PRKN: variants seen among roughly 807,000 people sequenced by gnomAD.
PRKN encodes the protein E3 ubiquitin-protein ligase parkin.
Under a neutral mutation model 59.5 loss-of-function variants are expected in PRKN, and 56 were observed. The ratio of observed to expected loss-of-function variants is 0.94; its 90% CI spans 0.76 to 1.18. The LOEUF (loss-of-function observed/expected upper bound fraction) is 1.18. PRKN is among the 50% of genes most tolerant of loss of function. PRKN has a pLI of 0.00. For missense variants in PRKN, 657 were observed against 596.4 expected (o/e 1.10, Z -1.06); for synonymous variants, 250 against 222.1 (o/e 1.13, Z -1.12).
intron 9 of PRKN, among the ~76,000 whole-genome samples, chr6:161,540,671 GCTTCATAA>G (rs1779585325): frequency 6.6e-6 from 1 of 152,170 alleles, no homozygotes; most frequent in Non-Finnish European, 1.5e-5. Flanking sequence ...ATCCCAAGTT[GCTTCATAA>G]AACACCTGTC....
intron 2 of PRKN, among the ~76,000 whole-genome samples, chr6:162,264,254 G>C (rs1780023756): frequency 6.6e-6 from 1 of 152,080 alleles, no homozygotes; most frequent in Non-Finnish European, 1.5e-5. Context: ...TCCAGCCTGG[G>C]CAACAGAGAG....
At chr6:161,619,037 C>T (rs1438331037) in intron 7 of PRKN, among the ~76,000 whole-genome samples, 2 of 152,096 alleles carry the variant, frequency 1.3e-5, no homozygotes, top group Admixed American at 1.3e-4. Context: ...ATGCTCTTCA[C>T]TTGGAAGAGA....
chr6:162,456,497 C>CT (rs1562778638), intron 1 of PRKN, among the ~76,000 whole-genome samples: 1 of 150,998 alleles, frequency 6.6e-6, no homozygotes, highest in Non-Finnish European at 1.5e-5. Flanking sequence ...ATATCATAAA[C>CT]TTTAATTCTT....
chr6:162,075,063 C>A (rs1165114264), intron 4 of PRKN, among the ~76,000 whole-genome samples: 1 of 152,146 alleles, frequency 6.6e-6, no homozygotes, highest in East Asian at 1.9e-4. Flanking sequence ...TTCGTCTGTT[C>A]AAGCTTCCTT....
chr6:162,380,473 GTATA>G (rs3050243), intron 2 of PRKN, among the ~76,000 whole-genome samples: 1 of 38,900 alleles, frequency 2.6e-5, no homozygotes, highest in Non-Finnish European at 6.9e-5. Flanking sequence ...ATATATGTGT[GTATA>G]TATATGTATA....
At chr6:161,617,705 A>G (rs908140628) in intron 7 of PRKN, among the ~76,000 whole-genome samples, 30 of 152,222 alleles carry the variant, frequency 2.0e-4, no homozygotes, top group Non-Finnish European at 4.3e-4. Flanking sequence ...CATATCCAAC[A>G]TAAGTGGAGG....
chr6:161,504,650 A>G (rs1250570013), intron 9 of PRKN, among the ~76,000 whole-genome samples: 3 of 149,110 alleles, frequency 2.0e-5, no homozygotes, highest in Non-Finnish European at 4.5e-5. Flanking sequence ...CATTAGGTAT[A>G]TCTCCCAATG....
At chr6:161,648,090 C>T (rs1323409564) in intron 7 of PRKN, among the ~76,000 whole-genome samples, 4 of 152,156 alleles carry the variant, frequency 2.6e-5, no homozygotes, top group Non-Finnish European at 5.9e-5. Context: ...CTCTTCCAGC[C>T]AGGGATTATT....
chr6:162,527,913 T>C (rs2128195441), intron 1 of PRKN, among the ~76,000 whole-genome samples: 1 of 152,194 alleles, frequency 6.6e-6, no homozygotes, highest in South Asian at 2.1e-4. Flanking sequence ...TTCTGCTGGA[T>C]CCAGCCTGGG....
chr6:162,041,480 C>T (rs1784066641), intron 5 of PRKN, among the ~76,000 whole-genome samples: 1 of 152,174 alleles, frequency 6.6e-6, no homozygotes. Flanking sequence ...CCAAATGCCT[C>T]CAGGCCCCAC....
At chr6:161,892,622 G>C (rs1291326899) in intron 6 of PRKN, among the ~76,000 whole-genome samples, 2 of 152,084 alleles carry the variant, frequency 1.3e-5, no homozygotes, top group East Asian at 3.9e-4. Context: ...TGAGGTGGGA[G>C]GATCTACTCA....
intron 7 of PRKN, among the ~76,000 whole-genome samples, chr6:161,609,225 T>C (rs967905697): frequency 6.6e-6 from 1 of 152,244 alleles, no homozygotes; most frequent in African/African-American, 2.4e-5. Context: ...TTAATCTATT[T>C]TACTTTTAAT....
intron 4 of PRKN, among the ~76,000 whole-genome samples, chr6:162,128,953 C>G (rs1335360202): frequency 1.3e-5 from 2 of 152,178 alleles, no homozygotes; most frequent in Non-Finnish European, 2.9e-5. Flanking sequence ...CAATTTGTGA[C>G]ATTCTTTTAT....
intron 1 of PRKN, among the ~76,000 whole-genome samples, chr6:162,675,477 A>G (rs982897644): frequency 6.6e-6 from 1 of 152,192 alleles, no homozygotes; most frequent in African/African-American, 2.4e-5. Flanking sequence ...AATAGATGAC[A>G]GGCAAATTTA....
intron 1 of PRKN, among the ~76,000 whole-genome samples, chr6:162,493,660 T>A (rs531108108): frequency 1.3e-5 from 2 of 152,212 alleles, no homozygotes; most frequent in Non-Finnish European, 2.9e-5. Flanking sequence ...TGAATTTGCA[T>A]ATTTAAGCTG....
At chr6:161,896,445 C>T (rs1315923024) in intron 6 of PRKN, among the ~76,000 whole-genome samples, 2 of 152,286 alleles carry the variant, frequency 1.3e-5, no homozygotes, top group Non-Finnish European at 1.5e-5. Context: ...ATCCATTCTT[C>T]CAGCCACACC....
At chr6:162,029,353 A>T (rs1783554568) in intron 5 of PRKN, among the ~76,000 whole-genome samples, 1 of 152,188 alleles carries the variant, frequency 6.6e-6, no homozygotes, top group Admixed American at 6.5e-5. Context: ...AATATTTACC[A>T]TGAAGGACCT....
Position 161,649,765 on chromosome 6 carries a change from AT to A in PRKN, c.872-80350del, listed in dbSNP as rs200366925. Among the ~76,000 whole-genome samples, 96 of 152,174 alleles carry A rather than the reference AT, an allele frequency of 6.3e-4. No homozygotes were observed. In the East Asian group the frequency reaches 0.018, roughly 28 times the overall value. On this transcript the variant is annotated intron_variant, in intron 7 of 11. Transcript: ENST00000366898. ...TTATCATTTGAATGTTCTTCTCACAATGTCAGGTTGACACTCCGCCACTGAG... is the reference window on the plus strand; with the variant it reads ...TTATCATTTGAATGTTCTTCTCACAAGTCAGGTTGACACTCCGCCACTGAG...
intron 3 of PRKN, among the ~76,000 whole-genome samples, chr6:162,230,915 C>T (rs551998700): frequency 1.5e-4 from 23 of 152,276 alleles, no homozygotes; most frequent in Non-Finnish European, 2.6e-4. Flanking sequence ...TTCTTTCTAT[C>T]TCATAAAAAA....
Sources: allele counts gnomAD v4.1 joint callset (sites outside exome capture counted in the v4.1 genomes callset), GRCh38; gene constraint gnomAD v4.1.1; transcripts MANE v1.5; gene names NCBI Gene and HGNC (gene_info 2026-07-23, HGNC 2026-07-21).